Variants in ANO10 observed in about 807,000 individuals in gnomAD.
ANO10 encodes anoctamin-10.
Under a neutral mutation model 74.7 loss-of-function variants are expected in ANO10, and 77 were observed. That is an observed-to-expected ratio of 1.03 (90% CI 0.86 to 1.25). ANO10 has a LOEUF of 1.25. Ranked by LOEUF, ANO10 falls within the 50% of genes most tolerant of loss-of-function variation. The probability of loss-of-function intolerance (pLI) is 0.00; values close to 1 mark genes in which losing one functional copy is unlikely to be tolerated. For missense variants in ANO10, 721 were observed against 778.1 expected (o/e 0.93, Z 0.87); for synonymous variants, 279 against 284.9 (o/e 0.98, Z 0.21).
At chr3:43,404,797 C>T (rs1022231106) in intron 12 of ANO10, among the ~76,000 whole-genome samples, 8 of 137,342 alleles carry the variant, frequency 5.8e-5, no homozygotes, top group African/African-American at 1.1e-4. Flanking sequence ...GATGGAAGAT[C>T]ATTTGAGCCC....
intron 11 of ANO10, among the ~76,000 whole-genome samples, chr3:43,506,499 T>C (rs1363623841): frequency 6.6e-6 from 1 of 152,130 alleles, no homozygotes; most frequent in Non-Finnish European, 1.5e-5. Flanking sequence ...TGACTATCCA[T>C]TCCTCTACTC....
chr3:43,619,705 GAA>G (rs376752785), intron 1 of ANO10, among the ~76,000 whole-genome samples: 2 of 147,158 alleles, frequency 1.4e-5, no homozygotes, highest in African/African-American at 5.0e-5. Context: ...CAAAAAAAAA[GAA>G]AAAAAAAATT....
At chr3:43,545,069 G>A (rs566178611) in intron 11 of ANO10, among the ~76,000 whole-genome samples, 52 of 152,068 alleles carry the variant, frequency 3.4e-4, no homozygotes, top group African/African-American at 1.3e-3. Flanking sequence ...TTTCCATCAA[G>A]ACGTTAAAAA....
intron 11 of ANO10, among the ~76,000 whole-genome samples, chr3:43,469,038 CTTT>C (rs371985258): frequency 2.8e-5 from 2 of 70,338 alleles, no homozygotes; most frequent in Non-Finnish European, 4.9e-5. Context: ...CAATTAGCTG[CTTT>C]TTTTTTTTTT....
chr3:43,587,511 CCTGACGGATCATAGCT>C (rs1196111222), intron 4 of ANO10, among the ~76,000 whole-genome samples: 1 of 152,142 alleles, frequency 6.6e-6, no homozygotes, highest in Non-Finnish European at 1.5e-5. Context: ...AAGTCTGGGA[CCTGACGGATCATAGCT>C]CTGACAGCAG....
chr3:43,515,482 G>C (rs1394775312), intron 11 of ANO10, among the ~76,000 whole-genome samples: 3 of 152,188 alleles, frequency 2.0e-5, no homozygotes, highest in Non-Finnish European at 2.9e-5. Context: ...AGCTTGTCAA[G>C]TGTGGATCTT....
At chr3:43,406,420 G>A (rs561697969) in intron 12 of ANO10, among the ~76,000 whole-genome samples, 1 of 152,314 alleles carries the variant, frequency 6.6e-6, no homozygotes, top group South Asian at 2.1e-4. Flanking sequence ...ATTTTCAAGT[G>A]TTGTGAGCCA....
intron 12 of ANO10, among the ~76,000 whole-genome samples, chr3:43,411,789 G>C (rs941328578): frequency 5.3e-5 from 8 of 152,104 alleles, no homozygotes; most frequent in Non-Finnish European, 1.2e-4. Context: ...CTGCATTTTG[G>C]AGCTACTGTT....
At chr3:43,589,682 C>T (rs1211095922) in intron 4 of ANO10, among the ~76,000 whole-genome samples, 1 of 152,138 alleles carries the variant, frequency 6.6e-6, no homozygotes, top group Non-Finnish European at 1.5e-5. Context: ...AGTATCTACT[C>T]TAAAAGATGC....
At chr3:43,608,898 G>C (rs2082684282) in intron 1 of ANO10, among the ~76,000 whole-genome samples, 1 of 152,046 alleles carries the variant, frequency 6.6e-6, no homozygotes, top group African/African-American at 2.4e-5. Context: ...TAAGACAGAA[G>C]GAAATGATTG....
chr3:43,525,205 C>T (rs1347023895), intron 11 of ANO10, among the ~76,000 whole-genome samples: 2 of 152,144 alleles, frequency 1.3e-5, no homozygotes, highest in Non-Finnish European at 2.9e-5. Context: ...CCTCTCTAGC[C>T]TCACCTCACA....
chr3:43,428,378 T>A (rs2092929595), intron 12 of ANO10, among the ~76,000 whole-genome samples: 1 of 151,988 alleles, frequency 6.6e-6, no homozygotes, highest in Non-Finnish European at 1.5e-5. Flanking sequence ...CTCAGATTGA[T>A]AATTAAAAGA....
intron 4 of ANO10, among the ~76,000 whole-genome samples, chr3:43,582,986 A>G (rs1219628397): frequency 2.0e-5 from 3 of 152,138 alleles, no homozygotes; most frequent in African/African-American, 7.2e-5. Context: ...TACTACATCA[A>G]GTTTTTTAAC....
rs537566433 is a variant in ANO10 at position 43,476,199 on chromosome 3, T to C, written c.1798-43472A>G. On this transcript the variant is annotated intron_variant, in intron 11 of 12. Coordinates refer to ENST00000292246, the MANE Select transcript of ANO10 (RefSeq NM_018075.5). ...CTTATCTACTTTCCCCCTAAAATTA[T>C]CATGTATTTAATCATGTCTAAATAA... 2.6e-5 allele frequency among the ~76,000 whole-genome samples: 4 copies of C among 152,326 alleles called. No homozygotes were observed. The South Asian group carries it at 8.3e-4, about 32-fold the overall frequency.
Position 43,577,237 on chromosome 3 carries a change from TC to T in ANO10, c.616del (p.Glu206LysfsTer17), listed in dbSNP as rs886058481. 7.4e-6 allele frequency: 12 copies of T among 1,613,910 alleles called. No homozygotes were observed. In the East Asian group the frequency reaches 2.7e-4, roughly 36 times the overall value. On this transcript the variant is annotated frameshift_variant, in exon 6 of 13. Coordinates refer to ENST00000292246, the MANE Select transcript of ANO10 (RefSeq NM_018075.5). LOFTEE classifies it high-confidence loss of function. ...PIDSIRGYFG[E>X]TIALYFGFLE... ...AAATCCAAAGTACAGAGCAATTGTT[TC>T]CCCAAAGTAGCCACGAATACTGTCT...
intron 12 of ANO10, among the ~76,000 whole-genome samples, chr3:43,380,209 A>G (rs1321390613): frequency 6.6e-6 from 1 of 152,198 alleles, no homozygotes; most frequent in Non-Finnish European, 1.5e-5. Context: ...ACCTAAGAAT[A>G]ATTGGTGTTC....
At chr3:43,459,200 C>T (rs1189175077) in intron 11 of ANO10, among the ~76,000 whole-genome samples, 1 of 152,066 alleles carries the variant, frequency 6.6e-6, no homozygotes, top group Admixed American at 6.6e-5. Context: ...CACCACCCCA[C>T]CTCCTGCCAC....
At chr3:43,558,330 C>T (rs13069180) in intron 9 of ANO10, among the ~76,000 whole-genome samples, 1 of 151,942 alleles carries the variant, frequency 6.6e-6, no homozygotes, top group African/African-American at 2.4e-5. Flanking sequence ...TTGGAATAGT[C>T]GTCATGAAAA....
intron 12 of ANO10, among the ~76,000 whole-genome samples, chr3:43,396,006 T>C (rs1036934896): frequency 6.6e-6 from 1 of 152,170 alleles, no homozygotes; most frequent in Non-Finnish European, 1.5e-5. Context: ...GATGATCATG[T>C]CATTTGTGAG....
Sources: gnomAD v4.1 joint callset for allele counts (sites outside exome capture counted in the v4.1 genomes callset) on GRCh38, gnomAD v4.1.1 for gene constraint, MANE v1.5 for transcripts, NCBI Gene and HGNC (gene_info 2026-07-23, HGNC 2026-07-21) for gene names.